The following LSAMP variants were observed in gnomAD, a reference collection of about 807,000 sequenced individuals.
LSAMP encodes limbic system associated membrane protein, also known as limbic system-associated membrane protein.
Under a neutral mutation model 38.6 loss-of-function variants are expected in LSAMP, and 7 were observed. The ratio of observed to expected loss-of-function variants is 0.18; its 90% CI spans 0.10 to 0.34. The LOEUF (loss-of-function observed/expected upper bound fraction) is 0.34. Ranked by LOEUF, LSAMP falls within the 10% of genes least tolerant of loss-of-function variation. The pLI, the probability that LSAMP is intolerant of heterozygous loss-of-function variation, is 1.00. For synonymous variants in LSAMP, 154 were observed against 166.8 expected (o/e 0.92, Z 0.59); for missense variants, 313 against 420.0 (o/e 0.75, Z 2.23).
chr3:116,202,535 C>A (rs1185782630), intron 1 of LSAMP, among the ~76,000 whole-genome samples: 1 of 152,032 alleles, frequency 6.6e-6, no homozygotes, highest in Admixed American at 6.6e-5. Context: ...GCCTCTACCA[C>A]CCAGGCTCGA....
intron 3 of LSAMP, among the ~76,000 whole-genome samples, chr3:115,961,231 T>C (rs1166241134): frequency 6.6e-6 from 1 of 152,212 alleles, no homozygotes; most frequent in Non-Finnish European, 1.5e-5. Flanking sequence ...GTCATTTCTA[T>C]GCAGATGTGT....
intron 1 of LSAMP, among the ~76,000 whole-genome samples, chr3:116,390,380 A>T (rs2048677318): frequency 6.6e-6 from 1 of 152,168 alleles, no homozygotes; most frequent in African/African-American, 2.4e-5. Context: ...CATAGAAGGT[A>T]AAGCTTGAGC....
intron 1 of LSAMP, among the ~76,000 whole-genome samples, chr3:116,382,117 A>G (rs1248245317): frequency 1.3e-5 from 2 of 152,238 alleles, no homozygotes; most frequent in African/African-American, 2.4e-5. Context: ...AGGATCTAGA[A>G]CTAGAAATAC....
intron 1 of LSAMP, among the ~76,000 whole-genome samples, chr3:116,208,721 G>C (rs898680768): frequency 7.7e-6 from 1 of 130,002 alleles, no homozygotes; most frequent in Non-Finnish European, 1.7e-5. Context: ...TCGGGGGTCA[G>C]GGGTCAGGGA....
At chr3:116,375,771 C>A (rs1240644633) in intron 1 of LSAMP, among the ~76,000 whole-genome samples, 1 of 151,842 alleles carries the variant, frequency 6.6e-6, no homozygotes, top group Non-Finnish European at 1.5e-5. Context: ...ATAAAACTTA[C>A]TTTGAATAAT....
chr3:116,048,369 T>A (rs1941332057), intron 2 of LSAMP, among the ~76,000 whole-genome samples: 1 of 152,202 alleles, frequency 6.6e-6, no homozygotes, highest in Non-Finnish European at 1.5e-5. Context: ...TTGTACAATA[T>A]AGTTGTGAAG....
chr3:116,176,447 G>GC, intron 1 of LSAMP, among the ~76,000 whole-genome samples: 1 of 152,092 alleles, frequency 6.6e-6, no homozygotes, highest in Non-Finnish European at 1.5e-5. Context: ...CCATCATGTT[G>GC]CCCTGCCTCA....
intron 1 of LSAMP, among the ~76,000 whole-genome samples, chr3:116,389,943 T>C (rs2048671005): frequency 6.6e-6 from 1 of 152,196 alleles, no homozygotes. Context: ...TAACTCTTAC[T>C]GCTGCATAAT....
intron 1 of LSAMP, among the ~76,000 whole-genome samples, chr3:116,242,830 C>CACAG (rs1368694758): frequency 2.9e-5 from 2 of 67,922 alleles, no homozygotes; most frequent in African/African-American, 6.7e-5. Context: ...TTACCTGCCT[C>CACAG]ATAGATAGAA....
intron 1 of LSAMP, among the ~76,000 whole-genome samples, chr3:116,316,840 AG>A (rs1576121659): frequency 6.6e-6 from 1 of 151,662 alleles, no homozygotes; most frequent in African/African-American, 2.4e-5. Context: ...TTTAAAAATG[AG>A]GTGTCAAGCA....
chr3:116,177,322 G>A (rs1031639130), intron 1 of LSAMP, among the ~76,000 whole-genome samples: 5 of 152,060 alleles, frequency 3.3e-5, no homozygotes, highest in Non-Finnish European at 7.4e-5. Flanking sequence ...TTTTATAAGT[G>A]ACACAGGAAA....
intron 3 of LSAMP, among the ~76,000 whole-genome samples, chr3:115,987,761 A>G (rs182141196): frequency 6.6e-6 from 1 of 152,306 alleles, no homozygotes; most frequent in African/African-American, 2.4e-5. Flanking sequence ...CCACACATCC[A>G]AATTATACCT....
intron 3 of LSAMP, among the ~76,000 whole-genome samples, chr3:115,910,983 C>A (rs1029027194): frequency 1.3e-5 from 2 of 152,146 alleles, no homozygotes; most frequent in African/African-American, 2.4e-5. Context: ...GCTCCCAACA[C>A]TTAGGAATTA....
chr3:116,323,040 G>T (rs919241459), intron 1 of LSAMP, among the ~76,000 whole-genome samples: 2 of 152,212 alleles, frequency 1.3e-5, no homozygotes, highest in South Asian at 2.1e-4. Context: ...TTAAAATCTG[G>T]TACTTGGTCA....
chr3:116,029,384 A>G (rs983971991), intron 2 of LSAMP, among the ~76,000 whole-genome samples: 2 of 152,132 alleles, frequency 1.3e-5, no homozygotes, highest in Admixed American at 6.6e-5. Flanking sequence ...TACAGAAACT[A>G]TAGCTTCTTT....
At chr3:115,846,873 A>G (rs1430080365) in intron 4 of LSAMP, among the ~76,000 whole-genome samples, 1 of 152,166 alleles carries the variant, frequency 6.6e-6, no homozygotes, top group Non-Finnish European at 1.5e-5. Flanking sequence ...CAGTGGATAT[A>G]AACCTGTATT....
chr3:116,294,870 A>G, intron 1 of LSAMP, among the ~76,000 whole-genome samples: 1 of 152,164 alleles, frequency 6.6e-6, no homozygotes, highest in Non-Finnish European at 1.5e-5. Context: ...GTAAAATTCA[A>G]TTTGTCACCA....
chr3:115,865,528 C>A (rs926814520), intron 3 of LSAMP, among the ~76,000 whole-genome samples: 3 of 152,086 alleles, frequency 2.0e-5, no homozygotes, highest in African/African-American at 7.2e-5. Flanking sequence ...ATATAGTATC[C>A]AGATGTGATC....
At chr3:116,216,169 A>T (rs2046216444) in intron 1 of LSAMP, among the ~76,000 whole-genome samples, 1 of 152,144 alleles carries the variant, frequency 6.6e-6, no homozygotes, top group Non-Finnish European at 1.5e-5. Flanking sequence ...TTATTATGTG[A>T]TATCCCTTTA....
Sources: gnomAD v4.1 joint callset for allele counts (sites outside exome capture counted in the v4.1 genomes callset) on GRCh38, gnomAD v4.1.1 for gene constraint, MANE v1.5 for transcripts, NCBI Gene and HGNC (gene_info 2026-07-23, HGNC 2026-07-21) for gene names.